KCNIP4: variants seen among roughly 807,000 people sequenced by gnomAD.
KCNIP4 encodes potassium voltage-gated channel interacting protein 4.
A neutral mutation model predicts 34.0 loss-of-function variants in KCNIP4; 12 were observed. That is an observed-to-expected ratio of 0.35 (90% CI 0.23 to 0.57). The LOEUF (loss-of-function observed/expected upper bound fraction) is 0.57, where lower values mean the gene tolerates loss of function less well. Among genes scored for constraint, KCNIP4 ranks in the 20% least tolerant of loss-of-function variants. The pLI, the probability that KCNIP4 is intolerant of heterozygous loss-of-function variation, is 0.83. For missense variants in KCNIP4, 238 were observed against 311.7 expected (o/e 0.76, Z 1.78); for synonymous variants, 124 against 102.2 (o/e 1.21, Z -1.29).
chr4:21,454,871 T>C (rs1407696387), intron 1 of KCNIP4, among the ~76,000 whole-genome samples: 1 of 152,074 alleles, frequency 6.6e-6, no homozygotes, highest in Non-Finnish European at 1.5e-5. Context: ...ATTGGAAAGA[T>C]ACAGGGGTAG....
chr4:21,490,518 A>G (rs79778040), intron 1 of KCNIP4, among the ~76,000 whole-genome samples: 8,769 of 152,172 alleles, frequency 0.058, 627 homozygotes, highest in African/African-American at 0.16. Flanking sequence ...ACAAACAACC[A>G]CCAACAAAAA....
chr4:21,451,586 C>A (rs999449208), intron 1 of KCNIP4, among the ~76,000 whole-genome samples: 4 of 152,126 alleles, frequency 2.6e-5, no homozygotes, highest in African/African-American at 9.7e-5. Context: ...TTGTAACATG[C>A]TGTATAGAAG....
chr4:21,580,107 C>T (rs753502395), intron 1 of KCNIP4, among the ~76,000 whole-genome samples: 14 of 152,022 alleles, frequency 9.2e-5, no homozygotes, highest in Non-Finnish European at 1.9e-4. Context: ...ATTTTACTAG[C>T]CATATCTATG....
chr4:21,890,658 C>A (rs1313069891), intron 1 of KCNIP4, among the ~76,000 whole-genome samples: 2 of 152,074 alleles, frequency 1.3e-5, no homozygotes, highest in African/African-American at 2.4e-5. Context: ...TTACTCAGCA[C>A]CACATACTTG....
At chr4:21,083,792 T>C (rs940172662) in intron 1 of KCNIP4, among the ~76,000 whole-genome samples, 2 of 151,938 alleles carry the variant, frequency 1.3e-5, no homozygotes, top group Non-Finnish European at 1.5e-5. Context: ...TTTCTTACAA[T>C]AGTCACAGGA....
chr4:20,870,170 A>G (rs925053136), intron 2 of KCNIP4, among the ~76,000 whole-genome samples: 2 of 152,110 alleles, frequency 1.3e-5, no homozygotes, highest in African/African-American at 4.8e-5. Flanking sequence ...CCCAAATCTC[A>G]TGTTGAATTG....
chr4:20,998,476 C>T (rs1737771010), intron 1 of KCNIP4, among the ~76,000 whole-genome samples: 1 of 152,122 alleles, frequency 6.6e-6, no homozygotes, highest in Admixed American at 6.6e-5. Flanking sequence ...AAGTCTATAG[C>T]CACACTATTG....
chr4:21,559,906 G>T (rs191166215), intron 1 of KCNIP4, among the ~76,000 whole-genome samples: 1 of 152,166 alleles, frequency 6.6e-6, no homozygotes, highest in East Asian at 1.9e-4. Flanking sequence ...AATTAGTTCA[G>T]CAGTTTAATT....
intron 1 of KCNIP4, among the ~76,000 whole-genome samples, chr4:21,863,172 A>G (rs1229363602): frequency 6.6e-6 from 1 of 152,164 alleles, no homozygotes; most frequent in South Asian, 2.1e-4. Context: ...CTTCATCAAA[A>G]GCAATCCAGA....
chr4:21,326,395 C>A (rs936651635), intron 1 of KCNIP4, among the ~76,000 whole-genome samples: 2 of 151,452 alleles, frequency 1.3e-5, no homozygotes, highest in African/African-American at 4.8e-5. Context: ...GTCTTGAAAT[C>A]TATTTTGTCT....
At chr4:21,008,576 T>C (rs989796315) in intron 1 of KCNIP4, among the ~76,000 whole-genome samples, 1 of 151,882 alleles carries the variant, frequency 6.6e-6, no homozygotes, top group East Asian at 1.9e-4. Context: ...CAGGTTGGAG[T>C]GCAGTGGTGC....
intron 1 of KCNIP4, among the ~76,000 whole-genome samples, chr4:21,764,514 T>C (rs533975600): frequency 2.2e-4 from 34 of 152,140 alleles, no homozygotes; most frequent in Non-Finnish European, 3.4e-4. Flanking sequence ...GTGTGTCATA[T>C]TGGTACCCAT....
chr4:21,509,914 T>A (rs1481174849), intron 1 of KCNIP4, among the ~76,000 whole-genome samples: 1 of 151,918 alleles, frequency 6.6e-6, no homozygotes, highest in Non-Finnish European at 1.5e-5. Context: ...GGTCAGGAGT[T>A]CGAGACCAGC....
At chr4:21,708,282 T>C (rs1713448368) in intron 1 of KCNIP4, among the ~76,000 whole-genome samples, 1 of 152,106 alleles carries the variant, frequency 6.6e-6, no homozygotes, top group African/African-American at 2.4e-5. Context: ...CTTAATTGTA[T>C]TTACACTCTT....
chr4:20,741,832 TAAA>T (rs1236581314), intron 5 of KCNIP4, among the ~76,000 whole-genome samples: 21 of 151,926 alleles, frequency 1.4e-4, no homozygotes, highest in South Asian at 4.2e-4. Flanking sequence ...GCAAGGCTAA[TAAA>T]GAAGAAAAGA....
intron 1 of KCNIP4, among the ~76,000 whole-genome samples, chr4:21,659,627 G>T (rs1007988759): frequency 3.9e-5 from 6 of 152,072 alleles, no homozygotes; most frequent in African/African-American, 1.4e-4. Flanking sequence ...TAATTTTGAA[G>T]ATTAAGAAAA....
At chr4:21,153,131 G>A (rs1388350082) in intron 1 of KCNIP4, among the ~76,000 whole-genome samples, 1 of 152,138 alleles carries the variant, frequency 6.6e-6, no homozygotes, top group African/African-American at 2.4e-5. Context: ...TTGCACAGGT[G>A]TATGCACAGG....
chr4:21,917,787 T>C (rs1162482579), intron 1 of KCNIP4, among the ~76,000 whole-genome samples: 1 of 152,138 alleles, frequency 6.6e-6, no homozygotes, highest in Non-Finnish European at 1.5e-5. Flanking sequence ...GATTTTCAAA[T>C]AAAATAAAAG....
rs1231806484 is a variant in KCNIP4 at position 20,876,699 on chromosome 4, C to CA, written c.163+5908dup. Reference sequence around the variant, plus strand: ...AAGTGATTCTCCTGCCTCAGCCTTCCAAGTAGCTGGGACTACAGACGTGCC... The same window carrying CA: ...AAGTGATTCTCCTGCCTCAGCCTTCCAAAGTAGCTGGGACTACAGACGTGCC... On this transcript the variant is annotated intron_variant, in intron 2 of 8. Transcript: ENST00000382152. 2.0e-5 allele frequency among the ~76,000 whole-genome samples: 3 copies of CA among 152,192 alleles called. No homozygotes were observed. The East Asian group carries it at 5.8e-4, about 30-fold the overall frequency.
Sources: allele counts gnomAD v4.1 joint callset (sites outside exome capture counted in the v4.1 genomes callset), GRCh38; gene constraint gnomAD v4.1.1; transcripts MANE v1.5; gene names NCBI Gene and HGNC (gene_info 2026-07-23, HGNC 2026-07-21).